Variants in PRKAA2 observed in about 807,000 individuals in gnomAD.
PRKAA2 encodes 5'-AMP-activated protein kinase catalytic subunit alpha-2.
Under a neutral mutation model 56.3 loss-of-function variants are expected in PRKAA2, and 40 were observed. That is an observed-to-expected ratio of 0.71 (90% CI 0.55 to 0.92). The LOEUF is 0.92. Ranked by LOEUF, PRKAA2 falls within the 40% of genes least tolerant of loss-of-function variation. The pLI, the probability that PRKAA2 is intolerant of heterozygous loss-of-function variation, is 0.00. For missense variants in PRKAA2, 542 were observed against 686.9 expected, an observed-to-expected ratio of 0.79 and a Z score of 2.36; for synonymous variants, 214 against 234.2, an observed-to-expected ratio of 0.91 and a Z score of 0.79.
intron 1 of PRKAA2, among the ~76,000 whole-genome samples, chr1:56,661,604 G>A (rs529927353): frequency 6.6e-6 from 1 of 151,822 alleles, no homozygotes; most frequent in African/African-American, 2.4e-5. Context: ...TTACATCTTG[G>A]TTGTTATGAT....
intron 1 of PRKAA2, among the ~76,000 whole-genome samples, chr1:56,651,892 A>G (rs1569702525): frequency 6.6e-6 from 1 of 150,380 alleles, no homozygotes; most frequent in Non-Finnish European, 1.5e-5. Flanking sequence ...CCCAGGCTGG[A>G]GTGCAGTGGT....
chr1:56,706,000 A>G (rs1193027636), intron 7 of PRKAA2, 92 bp from the exon 8 acceptor site: 12 of 1,020,596 alleles, frequency 1.2e-5, no homozygotes, highest in African/African-American at 1.6e-5. Flanking sequence ...TTCCTTTCCT[A>G]CCTCACCCCT....
Position 56,710,921 on chromosome 1 carries a change from A to G in PRKAA2, c.*3208A>G, listed in dbSNP as rs980863336. The G allele has an allele frequency of 1.3e-5, 2 of 152,122 alleles. No individual in the cohort carries two copies. The highest frequency in any genetic ancestry group is 4.8e-5 in the African/African-American group (2 of 41,458). The allele number at this position is 152,122 out of a possible 1,614,324, so 9.4% of individuals were successfully genotyped here. A position where few individuals can be genotyped will look rare whatever the true frequency, so the allele number is the denominator to read the frequency against. ...TAAATACTTTTCTTTGGGATACCAT[A>G]TGAAGATCTAATTCCTTATGTTTCA... On this transcript the variant is annotated 3_prime_UTR_variant, in exon 9 of 9. Transcript: ENST00000371244.
rs948516656 is a variant in PRKAA2, at chr1:56,709,246, G to T, written c.*1533G>T. On this transcript the variant is annotated 3_prime_UTR_variant, in exon 9 of 9. Coordinates refer to ENST00000371244, the MANE Select transcript of PRKAA2 (RefSeq NM_006252.4). ...GAAGCAAATGAGAATGTTAGACTAA[G>T]TTTCTCCTGTGTTAGTGGAAAACAA... The T allele has an allele frequency of 6.6e-6, 1 of 152,130 alleles. No individual in the cohort carries two copies. The highest frequency in any genetic ancestry group is 6.6e-5 in the Admixed American group (1 of 15,266). 9.4% of individuals were successfully genotyped at this position (152,130 alleles called of 1,614,324 possible). A position where few individuals can be genotyped will look rare whatever the true frequency, so the allele number is the denominator to read the frequency against.
chr1:56,670,680 T>G (rs1053804009), intron 1 of PRKAA2, among the ~76,000 whole-genome samples: 3 of 152,218 alleles, frequency 2.0e-5, no homozygotes, highest in Non-Finnish European at 4.4e-5. Flanking sequence ...GTAATTAGTA[T>G]AGCTACTTAC....
chr1:56,684,685 G>A (rs892267873), intron 2 of PRKAA2, among the ~76,000 whole-genome samples: 2 of 152,056 alleles, frequency 1.3e-5, no homozygotes, highest in African/African-American at 2.4e-5. Flanking sequence ...TGTTGGATTT[G>A]GCAACGTGGA....
intron 2 of PRKAA2, among the ~76,000 whole-genome samples, chr1:56,677,072 A>G (rs1644118689): frequency 6.6e-6 from 1 of 152,210 alleles, no homozygotes; most frequent in Admixed American, 6.5e-5. Context: ...TGTCATAAGA[A>G]TTAAAATTCC....
At chr1:56,676,909 A>C (rs1029115649) in intron 2 of PRKAA2, among the ~76,000 whole-genome samples, 3 of 152,154 alleles carry the variant, frequency 2.0e-5, no homozygotes, top group Non-Finnish European at 2.9e-5. Flanking sequence ...AGTAAGCTTC[A>C]ATGTCATATG....
intron 1 of PRKAA2, among the ~76,000 whole-genome samples, chr1:56,669,491 G>C (rs1644060032): frequency 6.6e-6 from 1 of 151,580 alleles, no homozygotes; most frequent in Non-Finnish European, 1.5e-5. Flanking sequence ...CATGCTGCTT[G>C]GGTTTAAACC....
intron 7 of PRKAA2, 141 bp from the exon 8 acceptor site, chr1:56,705,951 C>A: frequency 2.9e-6 from 2 of 680,532 alleles, no homozygotes; most frequent in Non-Finnish European, 4.8e-6. Flanking sequence ...TAAATAAATA[C>A]TAAAGTGAAC....
rs540301092 is a variant in PRKAA2, at chr1:56,699,997, C to T, written c.788+3838C>T. ...TACATTTAGTTTATGCATTAGTTAA[C>T]GAAGATTGAATTGTTTCTAATTTGT... On this transcript the variant is annotated intron_variant, in intron 6 of 8. Transcript: ENST00000371244. Among the ~76,000 whole-genome samples the T allele has an allele frequency of 5.3e-5, 8 of 152,248 alleles. No individual in the cohort carries two copies. The East Asian group carries it at 9.6e-4, about 18-fold the overall frequency.
chr1:56,652,008 ATTTTTTTTTTTT>A (rs35462805), intron 1 of PRKAA2, among the ~76,000 whole-genome samples: 3 of 106,536 alleles, frequency 2.8e-5, no homozygotes, highest in Admixed American at 9.8e-5. Flanking sequence ...CGCCTGGCTA[ATTTTTTTTTTTT>A]TTTTTTTTTT....
chr1:56,698,394 G>C (rs1283438708), intron 6 of PRKAA2, among the ~76,000 whole-genome samples: 4 of 152,032 alleles, frequency 2.6e-5, no homozygotes, highest in African/African-American at 9.7e-5. Context: ...AGCTCAGAAA[G>C]GTTACATCAT....
intron 1 of PRKAA2, among the ~76,000 whole-genome samples, chr1:56,659,669 T>C (rs535513472): frequency 6.6e-6 from 1 of 152,162 alleles, no homozygotes; most frequent in Admixed American, 6.5e-5. Flanking sequence ...ACTCCTGTAA[T>C]CCCAGCACTT....
chr1:56,652,146 G>A (rs1643903579), intron 1 of PRKAA2, among the ~76,000 whole-genome samples: 1 of 151,798 alleles, frequency 6.6e-6, no homozygotes, highest in Admixed American at 6.6e-5. Context: ...CCGACTAGCT[G>A]GGACTACAGG....
chr1:56,658,582 T>G lies in PRKAA2; in HGVS notation c.94+13101T>G, dbSNP rs1041593786. Among the ~76,000 whole-genome samples, 2 of 116,304 alleles carry G rather than the reference T, an allele frequency of 1.7e-5. 1 individual carries two copies. The allele number at this position is 116,304 out of a possible 152,430, so 76.3% of individuals were successfully genotyped here. ...AATGGTAAATGTTGTTGTTTTTTTT[T>G]TTCTTCCCCCCCCCCGCCATTTTTT... On this transcript the variant is annotated intron_variant, in intron 1 of 8. Coordinates refer to ENST00000371244, the MANE Select transcript of PRKAA2 (RefSeq NM_006252.4).
chr1:56,645,792 G>A (rs748139736), intron 1 of PRKAA2, among the ~76,000 whole-genome samples: 4 of 152,160 alleles, frequency 2.6e-5, no homozygotes, highest in Non-Finnish European at 5.9e-5. Context: ...CTGGACCTCA[G>A]TGTCCTCCTC....
chr1:56,698,219 T>A (rs926669554), intron 6 of PRKAA2, among the ~76,000 whole-genome samples: 23 of 151,890 alleles, frequency 1.5e-4, no homozygotes, highest in African/African-American at 7.3e-5. Flanking sequence ...GCCTGGCCAA[T>A]GTTTGGGAAT....
intron 1 of PRKAA2, among the ~76,000 whole-genome samples, chr1:56,666,166 T>G (rs1050169217): frequency 6.6e-6 from 1 of 152,186 alleles, no homozygotes; most frequent in Non-Finnish European, 1.5e-5. Context: ...GTATTAGAGT[T>G]AGTCATGCAT....
Sources: gnomAD v4.1 joint callset for allele counts (sites outside exome capture counted in the v4.1 genomes callset) on GRCh38, gnomAD v4.1.1 for gene constraint, MANE v1.5 for transcripts, NCBI Gene and HGNC (gene_info 2026-07-23, HGNC 2026-07-21) for gene names.